The following LINGO2 variants were observed in gnomAD, a reference collection of about 807,000 sequenced individuals.
LINGO2 encodes leucine rich repeat and Ig domain containing 2.
In LINGO2, 14 loss-of-function variants were observed where a neutral mutation model predicts 30.6. That is an observed-to-expected ratio of 0.46 (90% confidence interval 0.30 to 0.72). The LOEUF (loss-of-function observed/expected upper bound fraction) is 0.72. Ranked by LOEUF, LINGO2 falls within the 30% of genes least tolerant of loss-of-function variation. The pLI is 0.07. For synonymous variants in LINGO2, 317 were observed against 288.5 expected (o/e 1.10, Z -1.00); for missense variants, 729 against 751.7 (o/e 0.97, Z 0.35).
At chr9:29,154,952 C>T in the LINGO2 span, among the ~76,000 whole-genome samples, 1 of 152,194 alleles carries the variant, frequency 6.6e-6, no homozygotes, top group Non-Finnish European at 1.5e-5. Context: ...CACCCCATTC[C>T]ACATGCCATT....
At chr9:28,944,279 T>C in the LINGO2 span, among the ~76,000 whole-genome samples, 24,354 of 152,152 alleles carry the variant, frequency 0.16, 1,986 homozygotes, top group South Asian at 0.2. Context: ...TGCATTGTTT[T>C]AGGTAACATC....
chr9:28,769,506 ATATATATATATATTTTTTTTTTTT>A, the LINGO2 span, among the ~76,000 whole-genome samples: 10 of 2,876 alleles, frequency 3.5e-3, 1 homozygote, highest in South Asian at 0.013. Flanking sequence ...ATATATATAT[ATATATATATATATTTTTTTTTTTT>A]TTTTTTTTTT....
At chr9:28,643,546 T>C (rs1048693613) in intron 1 of LINGO2, among the ~76,000 whole-genome samples, 10 of 152,180 alleles carry the variant, frequency 6.6e-5, no homozygotes, top group African/African-American at 2.4e-4. Flanking sequence ...CAAAATGAAT[T>C]AAAGACTTAA....
chr9:28,687,967 C>G, the LINGO2 span, among the ~76,000 whole-genome samples: 6 of 152,190 alleles, frequency 3.9e-5, no homozygotes, highest in East Asian at 1.2e-3. Context: ...AGAAATGTGT[C>G]AGCTGCATAA....
chr9:29,071,349 G>C, the LINGO2 span, among the ~76,000 whole-genome samples: 1 of 150,604 alleles, frequency 6.6e-6, no homozygotes, highest in Non-Finnish European at 1.5e-5. Context: ...ATAACACCAT[G>C]CCTGGCAAAA....
the LINGO2 span, among the ~76,000 whole-genome samples, chr9:29,129,093 G>A: frequency 3.9e-5 from 6 of 152,208 alleles, no homozygotes; most frequent in South Asian, 4.1e-4. Flanking sequence ...TTAACCCAGC[G>A]AAAACAAAAT....
chr9:28,630,350 T>C (rs1041990238), intron 1 of LINGO2, among the ~76,000 whole-genome samples: 1 of 152,156 alleles, frequency 6.6e-6, no homozygotes, highest in Non-Finnish European at 1.5e-5. Flanking sequence ...TCATCTTTTT[T>C]TCTATTATTA....
At chr9:28,870,197 T>C in the LINGO2 span, among the ~76,000 whole-genome samples, 1 of 152,058 alleles carries the variant, frequency 6.6e-6, no homozygotes, top group African/African-American at 2.4e-5. Context: ...CTTAAATACC[T>C]CATTTTCGAG....
At chr9:28,759,285 A>G in the LINGO2 span, among the ~76,000 whole-genome samples, 2 of 152,112 alleles carry the variant, frequency 1.3e-5, no homozygotes, top group Non-Finnish European at 2.9e-5. Flanking sequence ...TTTGAATACA[A>G]TAAAAGCTGT....
At chr9:27,992,471 A>G (rs146836935) in intron 5 of LINGO2, among the ~76,000 whole-genome samples, 105 of 152,218 alleles carry the variant, frequency 6.9e-4, no homozygotes, top group African/African-American at 2.2e-3. Context: ...AACTATCTCT[A>G]TATGGAAATA....
chr9:28,386,640 A>G (rs1821591844), intron 2 of LINGO2, among the ~76,000 whole-genome samples: 1 of 152,200 alleles, frequency 6.6e-6, no homozygotes, highest in Admixed American at 6.5e-5. Context: ...CTCAATTAAC[A>G]GAGCAGTACT....
chr9:28,578,295 T>C (rs535771772), intron 1 of LINGO2, among the ~76,000 whole-genome samples: 1 of 152,088 alleles, frequency 6.6e-6, no homozygotes, highest in South Asian at 2.1e-4. Flanking sequence ...AGGTGGGTAA[T>C]GGGGTGGCAG....
At chr9:28,104,600 G>A (rs1369931155) in intron 4 of LINGO2, among the ~76,000 whole-genome samples, 4 of 151,548 alleles carry the variant, frequency 2.6e-5, no homozygotes, top group Non-Finnish European at 5.9e-5. Flanking sequence ...ATGATCCTAA[G>A]ATGGAACACC....
At chr9:27,976,345 A>C (rs1163958912) in intron 5 of LINGO2, among the ~76,000 whole-genome samples, 1 of 152,094 alleles carries the variant, frequency 6.6e-6, no homozygotes, top group African/African-American at 2.4e-5. Context: ...TTTAATAAGC[A>C]TGCAGGTATA....
chr9:28,467,247 G>C (rs557770908), intron 2 of LINGO2, among the ~76,000 whole-genome samples: 11 of 151,882 alleles, frequency 7.2e-5, no homozygotes, highest in African/African-American at 2.4e-4. Context: ...GGATGGTCTC[G>C]ATCTCCTGAC....
At chr9:28,659,449 C>T in intron 1 of LINGO2, among the ~76,000 whole-genome samples, 1 of 151,402 alleles carries the variant, frequency 6.6e-6, no homozygotes, top group Admixed American at 6.6e-5. Context: ...CTTTTTTTTC[C>T]TTTTTTATCT....
downstream of LINGO2, chr9:27,943,713 G>A (rs1039221437): frequency 6.6e-6 from 1 of 151,772 alleles, no homozygotes; most frequent in Non-Finnish European, 1.5e-5. Context: ...GTTCATTGAT[G>A]AGGATGGCAG....
chr9:28,118,443 T>C (rs1236199936), intron 4 of LINGO2, among the ~76,000 whole-genome samples: 1 of 152,204 alleles, frequency 6.6e-6, no homozygotes, highest in Non-Finnish European at 1.5e-5. Context: ...TAAGTACGCT[T>C]GTTAGTTTAA....
the LINGO2 span, among the ~76,000 whole-genome samples, chr9:28,908,788 G>T: frequency 3.2e-4 from 48 of 151,970 alleles, no homozygotes; most frequent in East Asian, 8.9e-3. Context: ...AATTTCATTT[G>T]TTAAGGTTCC....
Sources: gnomAD v4.1 joint callset for allele counts (sites outside exome capture counted in the v4.1 genomes callset) on GRCh38, gnomAD v4.1.1 for gene constraint, MANE v1.5 for transcripts, NCBI Gene and HGNC (gene_info 2026-07-23, HGNC 2026-07-21) for gene names.